The following KLHL29 variants were observed in gnomAD, a reference collection of about 807,000 sequenced individuals.
KLHL29 encodes the protein kelch like family member 29.
In KLHL29, 21 loss-of-function variants were observed where a neutral mutation model predicts 80.4. The ratio of observed to expected loss-of-function variants is 0.26; its 90% confidence interval spans 0.19 to 0.38. KLHL29 has a LOEUF of 0.38. KLHL29 is among the 10% of genes least tolerant of loss of function. The pLI is 1.00. For synonymous variants in KLHL29, 511 were observed against 526.8 expected (o/e 0.97, Z 0.41); for missense variants, 867 against 1,223.9 (o/e 0.71, Z 4.35).
At chr2:23,701,737 A>G (rs1183033315) in intron 11 of KLHL29, among the ~76,000 whole-genome samples, 4 of 148,070 alleles carry the variant, frequency 2.7e-5, no homozygotes, top group Non-Finnish European at 4.4e-5. Context: ...ACCTTCACCC[A>G]CTGCACTCTA....
chr2:23,412,735 C>T lies in KLHL29; in HGVS notation c.-154+26955C>T, dbSNP rs78446370. ...GGTCAAAGGCAACACTGCGGAAATC[C>T]TCTGACAGACTGGGTGTAGCTGGCC... On this transcript the variant is annotated intron_variant, in intron 1 of 13. Coordinates refer to ENST00000486442, the MANE Select transcript of KLHL29 (RefSeq NM_052920.2). Among the ~76,000 whole-genome samples the T allele has an allele frequency of 4.4e-3, 675 of 152,278 alleles. 9 individuals carry two copies. The highest frequency in any genetic ancestry group is 0.015 in the African/African-American group (639 of 41,558).
chr2:23,665,761 G>C (rs1365679841), intron 5 of KLHL29, among the ~76,000 whole-genome samples: 1 of 152,128 alleles, frequency 6.6e-6, no homozygotes, highest in Non-Finnish European at 1.5e-5. Context: ...TAAACAACCA[G>C]GCCTAGCATG....
chr2:23,435,765 A>G (rs898380111), intron 1 of KLHL29, among the ~76,000 whole-genome samples: 60 of 152,320 alleles, frequency 3.9e-4, no homozygotes, highest in African/African-American at 1.4e-3. Flanking sequence ...GTTGCTGTGA[A>G]TAATTGCAGC....
chr2:23,557,766 C>T (rs1667335583), intron 2 of KLHL29, among the ~76,000 whole-genome samples: 1 of 152,118 alleles, frequency 6.6e-6, no homozygotes, highest in Admixed American at 6.5e-5. Flanking sequence ...CACCTCCATC[C>T]TCCCCAGCTG....
At chr2:23,517,057 C>T (rs1054378416) in intron 2 of KLHL29, among the ~76,000 whole-genome samples, 26 of 152,198 alleles carry the variant, frequency 1.7e-4, no homozygotes, top group African/African-American at 6.0e-4. Context: ...TCAGCTGCTT[C>T]GTGGTGCGGA....
intron 3 of KLHL29, among the ~76,000 whole-genome samples, chr2:23,631,634 C>T (rs958447315): frequency 6.6e-6 from 1 of 152,292 alleles, no homozygotes; most frequent in South Asian, 2.1e-4. Context: ...CCCCTGGCCC[C>T]GCGTAGGGAT....
chr2:23,597,814 T>C (rs1025387446), intron 3 of KLHL29, among the ~76,000 whole-genome samples: 2 of 152,128 alleles, frequency 1.3e-5, no homozygotes, highest in African/African-American at 4.8e-5. Context: ...GGAGCTCTTG[T>C]AGGTTCTTCT....
At chr2:23,692,020 T>G (rs1671643445) in intron 7 of KLHL29, 144 bp downstream of exon 7, 1 of 737,026 alleles carries the variant, frequency 1.4e-6, no homozygotes, top group Non-Finnish European at 2.2e-6. Context: ...CAGGGCTGTT[T>G]TAAGATGGTA....
At chr2:23,643,103 C>A in intron 5 of KLHL29, 1 of 635,994 alleles carries the variant, frequency 1.6e-6, no homozygotes. Flanking sequence ...GAAGGGAGAG[C>A]CTGCAAAGCC....
chr2:23,564,362 G>A (rs2103498540), intron 3 of KLHL29, among the ~76,000 whole-genome samples: 1 of 152,340 alleles, frequency 6.6e-6, no homozygotes, highest in South Asian at 2.1e-4. Context: ...CTGGGGCAAG[G>A]ACTGGGCAGG....
intron 2 of KLHL29, among the ~76,000 whole-genome samples, chr2:23,548,345 GCACACAGGCACA>G (rs547121566): frequency 4.8e-4 from 71 of 148,422 alleles, no homozygotes; most frequent in Middle Eastern, 6.8e-3. Flanking sequence ...ACACACACAG[GCACACAGGCACA>G]CACACAGGCA....
At chr2:23,482,564 G>A (rs542222402) in intron 2 of KLHL29, among the ~76,000 whole-genome samples, 2 of 152,366 alleles carry the variant, frequency 1.3e-5, no homozygotes, top group South Asian at 2.1e-4. Flanking sequence ...CTCAGGGAAA[G>A]CACTGTGTGT....
intron 6 of KLHL29, chr2:23,690,885 C>A (rs183674051): frequency 6.6e-6 from 1 of 152,492 alleles, no homozygotes; most frequent in Non-Finnish European, 1.5e-5. Flanking sequence ...CCTGCTCCCC[C>A]CAGTTCCCCA....
At chr2:23,646,036 C>G (rs1056941377) in intron 5 of KLHL29, among the ~76,000 whole-genome samples, 2 of 143,478 alleles carry the variant, frequency 1.4e-5, no homozygotes, top group Non-Finnish European at 3.2e-5. Context: ...GGGGTGGGAG[C>G]AAGCTGTAGG....
At chr2:23,575,811 G>A (rs367816762) in intron 3 of KLHL29, among the ~76,000 whole-genome samples, 111 of 152,252 alleles carry the variant, frequency 7.3e-4, no homozygotes, top group Non-Finnish European at 1.5e-3. Context: ...CTCACCCACC[G>A]GAGCTCCAGA....
intron 3 of KLHL29, among the ~76,000 whole-genome samples, chr2:23,580,353 C>T (rs1667950334): frequency 7.7e-6 from 1 of 130,090 alleles, no homozygotes. Flanking sequence ...GCCTGGGTGA[C>T]AGAGTGAGAC....
rs367930668 is a variant in KLHL29, at chr2:23,695,836, G to A, written c.1741+15G>A. The A allele has an allele frequency of 1.5e-4, 237 of 1,542,834 alleles. No individual in the cohort carries two copies. Among genetic ancestry groups the A allele is most frequent in the Middle Eastern group, 1.0e-3 (6 of 5,980 alleles). ...CCTCTCTGCAGGTATGAAGGGGCAC[G>A]CCCCGAACCTCCCAAGAAGCAGTGT... On this transcript the variant is annotated intron_variant, in intron 9 of 13. Coordinates refer to ENST00000486442, the MANE Select transcript of KLHL29 (RefSeq NM_052920.2). The surrounding 1 kb of genome is among the most constrained non-coding windows in gnomAD (Gnocchi z 7.6).
At chr2:23,399,772 T>C (rs1421016805) in intron 1 of KLHL29, among the ~76,000 whole-genome samples, 1 of 152,210 alleles carries the variant, frequency 6.6e-6, no homozygotes, top group Admixed American at 6.5e-5. Flanking sequence ...CTGATGTCAG[T>C]CATCATGGGT....
intron 3 of KLHL29, among the ~76,000 whole-genome samples, chr2:23,632,497 G>C (rs1669494304): frequency 6.6e-6 from 1 of 152,246 alleles, no homozygotes; most frequent in African/African-American, 2.4e-5. Context: ...AGGGAGGGAA[G>C]CTGAAAGGAA....
Sources: gnomAD v4.1 joint callset for allele counts (sites outside exome capture counted in the v4.1 genomes callset) on GRCh38, gnomAD v4.1.1 for gene constraint, Gnocchi (gnomAD v3.1) non-coding constraint, MANE v1.5 for transcripts, NCBI Gene and HGNC (gene_info 2026-07-23, HGNC 2026-07-21) for gene names.